The following PKN2 variants were observed in gnomAD, a reference collection of about 807,000 sequenced individuals.
PKN2 encodes the protein serine/threonine-protein kinase N2.
PKN2 carries 38 observed loss-of-function variants against 119.1 expected under a neutral mutation model. That is an observed-to-expected ratio of 0.32 (90% confidence interval 0.25 to 0.42). The LOEUF (loss-of-function observed/expected upper bound fraction) is 0.42. Among genes scored for constraint, PKN2 ranks in the 10% least tolerant of loss-of-function variants. The pLI is 1.00. For missense variants in PKN2, 850 were observed against 1,165.1 expected, an observed-to-expected ratio of 0.73 and a Z score of 3.94; for synonymous variants, 390 against 384.9, an observed-to-expected ratio of 1.01 and a Z score of -0.15.
intron 1 of PKN2, among the ~76,000 whole-genome samples, chr1:88,712,823 C>T (rs868073784): frequency 7.0e-4 from 107 of 152,012 alleles, no homozygotes; most frequent in Admixed American, 2.6e-4. Flanking sequence ...ATGTGCACAA[C>T]GTGCAGGTTT....
chr1:88,753,627 G>A lies in PKN2; in HGVS notation c.350-6595G>A, dbSNP rs150016613. Among the ~76,000 whole-genome samples the A allele has an allele frequency of 3.0e-3, 449 of 151,672 alleles. 4 individuals carry two copies. Among genetic ancestry groups the A allele is most frequent in the African/African-American group, 0.01 (427 of 41,156 alleles). ...GAGGCCTCAGAAAACTTTCAGTCAT[G>A]GTGGAAGGCGAAAGAGAAGCAAACC... On this transcript the variant is annotated intron_variant, in intron 2 of 21. Transcript: ENST00000370521.
At chr1:88,706,651 C>T (rs189027935) in intron 1 of PKN2, among the ~76,000 whole-genome samples, 92 of 152,230 alleles carry the variant, frequency 6.0e-4, no homozygotes, top group African/African-American at 2.2e-3. Flanking sequence ...ATGTTTGCTG[C>T]TTTTCCTGCT....
intron 2 of PKN2, among the ~76,000 whole-genome samples, chr1:88,755,642 T>G (rs922846251): frequency 1.3e-5 from 2 of 152,186 alleles, no homozygotes; most frequent in African/African-American, 4.8e-5. Context: ...ACCTGAGCAC[T>G]ATATAGGCTT....
intron 20 of PKN2, 104 bp from the exon 21 acceptor site, chr1:88,832,973 C>CA (rs773216165): frequency 3.7e-5 from 48 of 1,280,624 alleles, no homozygotes; most frequent in Non-Finnish European, 4.5e-5. Flanking sequence ...ATGGCTTAGA[C>CA]AAAAAAAGAC....
chr1:88,751,190 G>A (rs546090336), intron 2 of PKN2, among the ~76,000 whole-genome samples: 3 of 150,406 alleles, frequency 2.0e-5, no homozygotes, highest in African/African-American at 7.3e-5. Context: ...ACTTAGGCAC[G>A]TGTGTGTGTG....
At chr1:88,797,636 CA>C (rs1162541843) in intron 8 of PKN2, among the ~76,000 whole-genome samples, 80 of 82,846 alleles carry the variant, frequency 9.7e-4, no homozygotes, top group Admixed American at 3.3e-3. Flanking sequence ...GACTCCGTCT[CA>C]AAAAAAAAAA....
At chr1:88,795,805 A>G (rs190611005) in intron 8 of PKN2, among the ~76,000 whole-genome samples, 56 of 152,214 alleles carry the variant, frequency 3.7e-4, no homozygotes, top group Non-Finnish European at 5.3e-4. Context: ...GGCAGTGTAG[A>G]TTTTCTTCAT....
chr1:88,684,663 G>T, intron 1 of PKN2, 35 bp downstream of exon 1: 1 of 1,493,620 alleles, frequency 6.7e-7, no homozygotes, highest in African/African-American at 1.5e-5. Flanking sequence ...GGCGCTGGCG[G>T]AGGAGACAGG....
At chr1:88,758,383 A>G (rs1322821203) in intron 2 of PKN2, among the ~76,000 whole-genome samples, 1 of 142,508 alleles carries the variant, frequency 7.0e-6, no homozygotes, top group Non-Finnish European at 1.5e-5. Flanking sequence ...CTTTTTTTTT[A>G]ACTTTTATTT....
intron 6 of PKN2, among the ~76,000 whole-genome samples, chr1:88,772,682 G>A (rs896100341): frequency 2.0e-5 from 3 of 152,020 alleles, no homozygotes; most frequent in African/African-American, 7.2e-5. Context: ...CAATTTGGGG[G>A]TATATTCCTA....
intron 8 of PKN2, among the ~76,000 whole-genome samples, chr1:88,795,501 C>CA (rs1341726207): frequency 6.6e-6 from 1 of 152,148 alleles, no homozygotes; most frequent in Non-Finnish European, 1.5e-5. Context: ...CTCACCCTCC[C>CA]ATATGTTAAA....
At chr1:88,781,537 G>T (rs1480142743) in intron 6 of PKN2, among the ~76,000 whole-genome samples, 1 of 151,888 alleles carries the variant, frequency 6.6e-6, no homozygotes, top group Non-Finnish European at 1.5e-5. Flanking sequence ...GGATTTGCTT[G>T]TTTTAAAAAT....
intron 16 of PKN2, among the ~76,000 whole-genome samples, chr1:88,820,340 GC>G (rs1379023716): frequency 1.3e-5 from 2 of 149,670 alleles, no homozygotes; most frequent in Non-Finnish European, 3.0e-5. Flanking sequence ...TTCGAGACCA[GC>G]CTGACCACAT....
At chr1:88,733,909 A>G (rs1223472508) in intron 1 of PKN2, among the ~76,000 whole-genome samples, 2 of 152,144 alleles carry the variant, frequency 1.3e-5, no homozygotes, top group Admixed American at 1.3e-4. Context: ...CTATAATCCC[A>G]ACAATTTGGG....
At chr1:88,686,249 G>T (rs978661739) in intron 1 of PKN2, among the ~76,000 whole-genome samples, 6 of 152,118 alleles carry the variant, frequency 3.9e-5, no homozygotes, top group African/African-American at 1.4e-4. Context: ...TGAGAAAGAT[G>T]ATAGGGTCAC....
At chr1:88,819,217 CTG>C (rs1164491979) in intron 16 of PKN2, among the ~76,000 whole-genome samples, 1 of 152,158 alleles carries the variant, frequency 6.6e-6, no homozygotes. Flanking sequence ...GCAAAAGAAA[CTG>C]TCGTCAGAGT....
chr1:88,822,011 A>C lies in PKN2; in HGVS notation c.2342+8A>C, dbSNP rs372056086. 5.9e-5 allele frequency: 90 copies of C among 1,529,026 alleles called. No individual in the cohort carries two copies. Among genetic ancestry groups the C allele is most frequent in the Admixed American group, 2.1e-4 (10 of 47,148 alleles). 94.7% of individuals were successfully genotyped at this position (1,529,026 alleles called of 1,614,324 possible). A position where few individuals can be genotyped will look rare whatever the true frequency, so the allele number is the denominator to read the frequency against. On this transcript the variant is annotated splice_region_variant and intron_variant, in intron 17 of 21. Transcript: ENST00000370521. ...ACACAAAATTGTTTATAGGTAAGTTAATTTTTAATTTTTTCTAATGGCTTG... is the reference window on the plus strand; with the variant it reads ...ACACAAAATTGTTTATAGGTAAGTTCATTTTTAATTTTTTCTAATGGCTTG...
intron 4 of PKN2, among the ~76,000 whole-genome samples, chr1:88,770,807 G>A (rs557443843): frequency 1.3e-5 from 2 of 150,318 alleles, no homozygotes; most frequent in South Asian, 4.2e-4. Flanking sequence ...GGATGGTCTC[G>A]ATCTCCTGAC....
At chr1:88,730,709 G>T (rs1413510912) in intron 1 of PKN2, among the ~76,000 whole-genome samples, 1 of 152,120 alleles carries the variant, frequency 6.6e-6, no homozygotes, top group Non-Finnish European at 1.5e-5. Context: ...TATTATGTAG[G>T]CACCCAGCAC....
Sources: gnomAD v4.1 joint callset for allele counts (sites outside exome capture counted in the v4.1 genomes callset) on GRCh38, gnomAD v4.1.1 for gene constraint, MANE v1.5 for transcripts, NCBI Gene and HGNC (gene_info 2026-07-23, HGNC 2026-07-21) for gene names.